Variants in CYTH1 observed in about 807,000 individuals in gnomAD.
CYTH1 encodes the protein cytohesin 1.
A neutral mutation model predicts 61.8 loss-of-function variants in CYTH1; 18 were observed. The ratio of observed to expected loss-of-function variants is 0.29; its 90% CI spans 0.20 to 0.43. CYTH1 has a LOEUF of 0.43. CYTH1 is among the 20% of genes least tolerant of loss of function. CYTH1 has a pLI of 1.00. For synonymous variants in CYTH1, 174 were observed against 184.3 expected (o/e 0.94, Z 0.45); for missense variants, 336 against 510.5 (o/e 0.66, Z 3.29).
intron 1 of CYTH1, among the ~76,000 whole-genome samples, chr17:78,769,490 TG>T (rs964273004): frequency 1.4e-4 from 21 of 152,306 alleles, no homozygotes; most frequent in African/African-American, 4.8e-4. Flanking sequence ...AACTCTCCCC[TG>T]GCCAATCCAG....
intron 1 of CYTH1, among the ~76,000 whole-genome samples, chr17:78,757,653 C>T (rs985170327): frequency 9.9e-5 from 15 of 151,976 alleles, no homozygotes; most frequent in East Asian, 5.8e-4. Context: ...AATATTCAGC[C>T]GGGTGCAGTA....
At chr17:78,689,510 G>A (rs2092853862) in intron 11 of CYTH1, among the ~76,000 whole-genome samples, 1 of 152,190 alleles carries the variant, frequency 6.6e-6, no homozygotes, top group Admixed American at 6.5e-5. Flanking sequence ...GTGGAGCTCA[G>A]GAGGTGATGT....
intron 6 of CYTH1, among the ~76,000 whole-genome samples, chr17:78,701,115 T>G (rs1455915885): frequency 6.6e-6 from 1 of 152,194 alleles, no homozygotes; most frequent in African/African-American, 2.4e-5. Flanking sequence ...AAGATTGTCT[T>G]GTCAAAGCAT....
rs536049904 is a variant in CYTH1 at position 78,762,619 on chromosome 17, C to T, written c.22+19583G>A. On this transcript the variant is annotated intron_variant, in intron 1 of 13. Transcript: ENST00000446868. ...GGGATTAAGATTGCAGATGGAATTACATCTCCTAATCAGCCAACTTTAGAA... is the reference window on the plus strand; with the variant it reads ...GGGATTAAGATTGCAGATGGAATTATATCTCCTAATCAGCCAACTTTAGAA... Among the ~76,000 whole-genome samples the T allele has an allele frequency of 4.9e-4, 75 of 152,306 alleles. 1 individual carries two copies. In the South Asian group the frequency reaches 8.1e-3, roughly 16 times the overall value.
At chr17:78,719,274 A>C (rs1262388028) in intron 1 of CYTH1, among the ~76,000 whole-genome samples, 1 of 152,198 alleles carries the variant, frequency 6.6e-6, no homozygotes, top group Non-Finnish European at 1.5e-5. Flanking sequence ...TTGCTTCCTG[A>C]GCAGAGTACT....
At chr17:78,765,814 AT>A (rs900778138) in intron 1 of CYTH1, among the ~76,000 whole-genome samples, 1 of 151,994 alleles carries the variant, frequency 6.6e-6, no homozygotes, top group Admixed American at 6.6e-5. Context: ...TCACAACTTG[AT>A]TTTTTTTAAA....
chr17:78,694,934 G>A (rs1309825677), intron 10 of CYTH1, among the ~76,000 whole-genome samples: 2 of 152,188 alleles, frequency 1.3e-5, no homozygotes, highest in East Asian at 3.9e-4. Flanking sequence ...ACAGATCAAT[G>A]TGCGCCTAGG....
chr17:78,717,291 G>A lies in CYTH1; in HGVS notation c.23-7559C>T, dbSNP rs971741017. 1.3e-5 allele frequency among the ~76,000 whole-genome samples: 2 copies of A among 152,194 alleles called. No homozygotes were observed. The highest frequency in any genetic ancestry group is 2.9e-5 in the Non-Finnish European group (2 of 68,040). On this transcript the variant is annotated intron_variant, in intron 1 of 13. Transcript: ENST00000446868. This position sits in a 1 kb window ranked among gnomAD's most constrained non-coding sequence, Gnocchi z 4.4. ...CGCCCTCCTCGCCCATTGCCAGAGG[G>A]GCACCCGGAATCCATGCCCACAAAG...
chr17:78,762,531 T>C (rs1370856983), intron 1 of CYTH1, among the ~76,000 whole-genome samples: 1 of 152,186 alleles, frequency 6.6e-6, no homozygotes, highest in African/African-American at 2.4e-5. Flanking sequence ...AGGATAATGG[T>C]CCCAAAGATA....
intron 1 of CYTH1, among the ~76,000 whole-genome samples, chr17:78,781,595 C>T (rs1364779836): frequency 6.6e-6 from 1 of 152,078 alleles, no homozygotes; most frequent in African/African-American, 2.4e-5. Context: ...CGGGCAGGGC[C>T]GTCCCGGAGC....
At chr17:78,701,989 C>A (rs2093015105) in intron 5 of CYTH1, 133 bp downstream of exon 5, 9 of 826,724 alleles carry the variant, frequency 1.1e-5, no homozygotes, top group Non-Finnish European at 1.8e-5. Context: ...AAAGCCTCCC[C>A]TCAACTCCAG....
At chr17:78,735,555 C>A (rs560171860) in intron 1 of CYTH1, among the ~76,000 whole-genome samples, 1 of 152,238 alleles carries the variant, frequency 6.6e-6, no homozygotes, top group Non-Finnish European at 1.5e-5. Flanking sequence ...GTTATGGACA[C>A]CTGTGCATGC....
At chr17:78,731,865 T>C (rs1294673699) in intron 1 of CYTH1, among the ~76,000 whole-genome samples, 1 of 152,122 alleles carries the variant, frequency 6.6e-6, no homozygotes, top group Non-Finnish European at 1.5e-5. Flanking sequence ...AAGTTGCCTT[T>C]GCAGGATTAT....
chr17:78,685,297 A>G (rs2092805468), intron 11 of CYTH1, among the ~76,000 whole-genome samples: 1 of 152,112 alleles, frequency 6.6e-6, no homozygotes, highest in African/African-American at 2.4e-5. Flanking sequence ...GCATTTTAAA[A>G]AGTACAAAAT....
chr17:78,752,290 G>A (rs1459012633), intron 1 of CYTH1, among the ~76,000 whole-genome samples: 1 of 152,108 alleles, frequency 6.6e-6, no homozygotes, highest in Non-Finnish European at 1.5e-5. Context: ...CCACTGTAAA[G>A]GAGTTTTTTA....
intron 1 of CYTH1, among the ~76,000 whole-genome samples, chr17:78,761,436 C>A (rs980616759): frequency 1.2e-4 from 18 of 152,156 alleles, no homozygotes; most frequent in African/African-American, 4.3e-4. Context: ...ATTAAAACCT[C>A]TTTAAAAATC....
intron 2 of CYTH1, among the ~76,000 whole-genome samples, chr17:78,708,668 C>T (rs2144393474): frequency 6.6e-6 from 1 of 152,380 alleles, no homozygotes; most frequent in African/African-American, 2.4e-5. Flanking sequence ...GCTGCAGAGC[C>T]TGCAGTAGCT....
intron 1 of CYTH1, among the ~76,000 whole-genome samples, chr17:78,779,071 T>C (rs2093505513): frequency 6.6e-6 from 1 of 152,170 alleles, no homozygotes; most frequent in Non-Finnish European, 1.5e-5. Context: ...ATCTTTTTAG[T>C]TCCTCCAAAA....
intron 3 of CYTH1, 147 bp downstream of exon 3, chr17:78,708,050 A>G (rs1203447669): frequency 4.1e-6 from 3 of 740,392 alleles, no homozygotes; most frequent in East Asian, 2.8e-5. Context: ...GATGGAAGGC[A>G]GACATTATGG....
Sources: allele counts gnomAD v4.1 joint callset (sites outside exome capture counted in the v4.1 genomes callset), GRCh38; gene constraint gnomAD v4.1.1; non-coding constraint Gnocchi (gnomAD v3.1); transcripts MANE v1.5; gene names NCBI Gene and HGNC (gene_info 2026-07-23, HGNC 2026-07-21).